The following CSMD2 variants were observed in gnomAD, a reference collection of about 807,000 sequenced individuals.
CSMD2 encodes CUB and sushi domain-containing protein 2.
In CSMD2, 130 loss-of-function variants were observed where a neutral mutation model predicts 398.5. The observed-to-expected ratio is 0.33, with a 90% CI of 0.28 to 0.38. CSMD2 has a LOEUF of 0.38. CSMD2 is among the 10% of genes least tolerant of loss of function. CSMD2 has a pLI of 1.00. For missense variants in CSMD2, 3,829 were observed against 4,764.9 expected, an observed-to-expected ratio of 0.80 and a Z score of 5.78; for synonymous variants, 1,828 against 1,908.5, an observed-to-expected ratio of 0.96 and a Z score of 1.10.
intron 49 of CSMD2, 123 bp from the exon 50 acceptor site, chr1:33,572,814 T>G: frequency 1.6e-6 from 1 of 631,244 alleles, no homozygotes; most frequent in South Asian, 4.8e-5. Context: ...GGGTAAAGTA[T>G]CATAATAAAA....
chr1:34,007,817 T>C (rs1647107118), intron 3 of CSMD2, among the ~76,000 whole-genome samples: 1 of 152,170 alleles, frequency 6.6e-6, no homozygotes, highest in Non-Finnish European at 1.5e-5. Flanking sequence ...TACATATTAA[T>C]TGTGGTTATA....
rs1278158199 is a variant in CSMD2, at chr1:33,569,485, A to C, written c.8020T>G (p.Tyr2674Asp). ...CAGGAGAAGATGGCTGTTGCCCCGT[A>C]GACAGACAGTGTTCCGATGCGGTGG... is the stretch of plus-strand genomic sequence containing the variant. ...NGHRIGTLSV[Y>D]GATAIFSCNS... is the part of the protein sequence containing the mutation. The change falls in exon 52 of 71, where the codon TAC becomes GAC. Residue 2674 changes from tyrosine (Y) to aspartate (D), a missense_variant. Physicochemically the swap from Tyr to Asp is radical, Grantham distance 160 (BLOSUM62 -3). Transcript: ENST00000373381. 6.2e-7 allele frequency: 1 copy of C among 1,614,190 alleles called. No individual in the cohort carries two copies. The highest frequency in any genetic ancestry group is 1.1e-5 in the South Asian group (1 of 91,086).
At chr1:33,545,741 C>A (rs991026842) in intron 57 of CSMD2, among the ~76,000 whole-genome samples, 7 of 152,224 alleles carry the variant, frequency 4.6e-5, no homozygotes, top group African/African-American at 1.4e-4. Flanking sequence ...GCACATTCCA[C>A]AGCACTTGGC....
At chr1:33,626,424 G>A (rs1192659857) in intron 33 of CSMD2, 62 bp downstream of exon 33, 4 of 1,221,542 alleles carry the variant, frequency 3.3e-6, no homozygotes, top group South Asian at 1.5e-5. Flanking sequence ...CTGTCCCTTC[G>A]ATCACGAGTC....
chr1:33,686,670 C>A (rs1336064517), intron 25 of CSMD2, among the ~76,000 whole-genome samples: 1 of 152,186 alleles, frequency 6.6e-6, no homozygotes, highest in East Asian at 1.9e-4. Flanking sequence ...AACCTGGCTA[C>A]AGATCCCTCT....
intron 11 of CSMD2, among the ~76,000 whole-genome samples, chr1:33,791,317 C>A (rs1031767127): frequency 1.3e-5 from 2 of 152,098 alleles, no homozygotes; most frequent in Non-Finnish European, 2.9e-5. Flanking sequence ...ATAATAACAC[C>A]AGGGCTTAAG....
Position 34,127,940 on chromosome 1 carries a change from C to A in CSMD2, c.187+36971G>T, listed in dbSNP as rs541855003. Among the ~76,000 whole-genome samples the A allele has an allele frequency of 7.9e-5, 12 of 152,086 alleles. 1 individual carries two copies. Among genetic ancestry groups the A allele is most frequent in the African/African-American group, 2.2e-4 (9 of 41,500 alleles). ...TCGGGGTCTCCAGCATTTGAAGGGACCTTGCATGGCTGGGCACCACCACAC... is the reference window on the plus strand; with the variant it reads ...TCGGGGTCTCCAGCATTTGAAGGGAACTTGCATGGCTGGGCACCACCACAC... On this transcript the variant is annotated intron_variant, in intron 1 of 70. Transcript: ENST00000373381.
At chr1:33,722,920 T>C (rs1409004111) in intron 19 of CSMD2, among the ~76,000 whole-genome samples, 2 of 152,184 alleles carry the variant, frequency 1.3e-5, no homozygotes, top group Non-Finnish European at 2.9e-5. Flanking sequence ...ACGGTTTTTT[T>C]TTCTTTTGTT....
chr1:34,015,775 T>C (rs1022657630), intron 3 of CSMD2, among the ~76,000 whole-genome samples: 1 of 152,182 alleles, frequency 6.6e-6, no homozygotes, highest in African/African-American at 2.4e-5. Flanking sequence ...TAAAGTATTA[T>C]AGATCCATTG....
intron 43 of CSMD2, 37 bp from the exon 44 acceptor site, chr1:33,601,047 T>A: frequency 6.2e-7 from 1 of 1,612,404 alleles, no homozygotes; most frequent in Non-Finnish European, 8.5e-7. Flanking sequence ...ATGTCACTAG[T>A]CACCATGGCT....
intron 62 of CSMD2, among the ~76,000 whole-genome samples, chr1:33,534,208 G>A (rs1404764232): frequency 6.6e-6 from 1 of 152,120 alleles, no homozygotes; most frequent in Non-Finnish European, 1.5e-5. Flanking sequence ...ATTTACTCAG[G>A]GCAGGCTGCA....
rs948613516 is a variant in CSMD2, at chr1:33,754,205, G to C, written c.1847-10599C>G. On this transcript the variant is annotated intron_variant, in intron 13 of 70. Coordinates refer to ENST00000373381, the MANE Select transcript of CSMD2 (RefSeq NM_001281956.2). ...ATCCTTAATGTTGGACATGGGGCCTGGGGGGAGGTATTTGGATAATGGGGT... is the reference window on the plus strand; with the variant it reads ...ATCCTTAATGTTGGACATGGGGCCTCGGGGGAGGTATTTGGATAATGGGGT... Among the ~76,000 whole-genome samples the C allele has an allele frequency of 3.3e-5, 5 of 152,266 alleles. No homozygotes were observed. In the Middle Eastern group the frequency reaches 0.01, roughly 311 times the overall value.
At chr1:33,829,016 A>T (rs1460800855) in intron 6 of CSMD2, among the ~76,000 whole-genome samples, 2 of 152,194 alleles carry the variant, frequency 1.3e-5, no homozygotes, top group Admixed American at 1.3e-4. Flanking sequence ...GAACTTGGTG[A>T]TTACCGCTTT....
At chr1:34,138,470 G>A (rs1034511777) in intron 1 of CSMD2, among the ~76,000 whole-genome samples, 1 of 152,214 alleles carries the variant, frequency 6.6e-6, no homozygotes, top group East Asian at 1.9e-4. Context: ...GAGGTGGTAA[G>A]AGTAACCATA....
chr1:33,831,199 C>T (rs1298533893), intron 6 of CSMD2, among the ~76,000 whole-genome samples: 1 of 151,848 alleles, frequency 6.6e-6, no homozygotes, highest in East Asian at 1.9e-4. Flanking sequence ...AACTCTAAGA[C>T]ACATAATTGT....
At chr1:33,714,882 C>T (rs533377295) in intron 20 of CSMD2, 107 bp from the exon 21 acceptor site, 438 of 1,106,620 alleles carry the variant, frequency 4.0e-4, no homozygotes, top group African/African-American at 2.5e-3. Context: ...CCAGGGACAA[C>T]GAAAGACAGA....
At chr1:34,162,718 G>A (rs1641463598) in intron 1 of CSMD2, among the ~76,000 whole-genome samples, 1 of 152,022 alleles carries the variant, frequency 6.6e-6, no homozygotes, top group Admixed American at 6.6e-5. Context: ...AATTAACCGG[G>A]CGTGGTGACG....
rs1294386567 is a variant in CSMD2, at chr1:33,537,815, C to T, written c.9632-206G>A. ...TCCTCTCCCTTCTACATTCAAAGTG[C>T]CTATTAATAATGATCCAAGTAATGG... is the stretch of plus-strand genomic sequence containing the variant. On this transcript the variant is annotated intron_variant, in intron 60 of 70. Coordinates refer to ENST00000373381, the MANE Select transcript of CSMD2 (RefSeq NM_001281956.2). The surrounding 1 kb of genome is among the most constrained non-coding windows in gnomAD (Gnocchi z 4.6). 6.6e-6 allele frequency among the ~76,000 whole-genome samples: 1 copy of T among 152,204 alleles called. No individual in the cohort carries two copies. The highest frequency in any genetic ancestry group is 2.4e-5 in the African/African-American group (1 of 41,456).
intron 2 of CSMD2, among the ~76,000 whole-genome samples, chr1:34,059,586 C>T (rs1174330691): frequency 6.6e-6 from 1 of 152,100 alleles, no homozygotes; most frequent in Non-Finnish European, 1.5e-5. Context: ...TATTTTGTTC[C>T]CCCACTGTTT....
Sources: gnomAD v4.1 joint callset for allele counts (sites outside exome capture counted in the v4.1 genomes callset) on GRCh38, gnomAD v4.1.1 for gene constraint, Gnocchi (gnomAD v3.1) non-coding constraint, MANE v1.5 for transcripts, NCBI Gene and HGNC (gene_info 2026-07-23, HGNC 2026-07-21) for gene names.